The following PARP12 variants were observed in gnomAD, a reference collection of about 807,000 sequenced individuals.
PARP12 encodes the protein protein mono-ADP-ribosyltransferase PARP12.
Under a neutral mutation model 72.4 loss-of-function variants are expected in PARP12, and 59 were observed. The ratio of observed to expected loss-of-function variants is 0.81; its 90% confidence interval spans 0.66 to 1.01. The LOEUF is 1.01. Among genes scored for constraint, PARP12 ranks in the 50% least tolerant of loss-of-function variants. The pLI, the probability that PARP12 is intolerant of heterozygous loss-of-function variation, is 0.00. For missense variants in PARP12, 851 were observed against 914.0 expected (o/e 0.93, Z 0.89); for synonymous variants, 403 against 371.4 (o/e 1.09, Z -0.98).
At chr7:140,061,159 T>A (rs1317657336) in intron 1 of PARP12, among the ~76,000 whole-genome samples, 4 of 152,220 alleles carry the variant, frequency 2.6e-5, no homozygotes, top group Admixed American at 2.6e-4. Context: ...CATTTCCCAG[T>A]CACCCTGCAT....
chr7:140,024,830 C>T lies in PARP12; in HGVS notation c.1836G>A (p.Thr612=), dbSNP rs1313383363. ...AYSHHYSKSD[T]QTHTMFLARV... Reference sequence around the variant, plus strand: ...GGGCCAGGAACATCGTGTGGGTCTGCGTGTCGGATTTGCTGTAGTGGTGGG... The same window carrying T: ...GGGCCAGGAACATCGTGTGGGTCTGTGTGTCGGATTTGCTGTAGTGGTGGG... The change falls in exon 12 of 12, where the codon ACG becomes ACA. Residue 612 remains threonine, a synonymous_variant. Transcript: ENST00000263549. 11 of 1,613,966 alleles carry T rather than the reference C, an allele frequency of 6.8e-6. No homozygotes were observed. The highest frequency in any genetic ancestry group is 1.6e-4 in the Middle Eastern group (1 of 6,082).
chr7:140,031,407 T>C (rs1361186611), intron 8 of PARP12, among the ~76,000 whole-genome samples: 2 of 152,194 alleles, frequency 1.3e-5, no homozygotes, highest in East Asian at 3.9e-4. Flanking sequence ...ATAAATAAAT[T>C]TTACATGACA....
intron 9 of PARP12, among the ~76,000 whole-genome samples, chr7:140,028,119 C>T (rs948909251): frequency 3.9e-5 from 6 of 152,162 alleles, no homozygotes; most frequent in Admixed American, 3.9e-4. Context: ...TGTTAGTCTG[C>T]GTACTCTCCT....
At chr7:140,036,109 T>C (rs1391358968) in intron 7 of PARP12, among the ~76,000 whole-genome samples, 1 of 152,020 alleles carries the variant, frequency 6.6e-6, no homozygotes, top group Non-Finnish European at 1.5e-5. Flanking sequence ...CCCACTCAAA[T>C]GGGCTTCGGT....
intron 4 of PARP12, among the ~76,000 whole-genome samples, chr7:140,050,784 T>C (rs1395819234): frequency 6.6e-6 from 1 of 152,122 alleles, no homozygotes; most frequent in Admixed American, 6.5e-5. Context: ...CAAATATTTT[T>C]AGGATACAAA....
chr7:140,049,565 C>G (rs1569527900), intron 4 of PARP12, among the ~76,000 whole-genome samples: 1 of 152,160 alleles, frequency 6.6e-6, no homozygotes, highest in Non-Finnish European at 1.5e-5. Context: ...GTACTATGGA[C>G]AGCCTGAGAC....
intron 4 of PARP12, among the ~76,000 whole-genome samples, chr7:140,051,171 G>A (rs1452269111): frequency 6.6e-6 from 1 of 152,112 alleles, no homozygotes; most frequent in South Asian, 2.1e-4. Context: ...ACATATGTAA[G>A]TGGACTTCAA....
Position 140,037,854 on chromosome 7 carries a change from G to C in PARP12, c.1185C>G (p.Gly395=), listed in dbSNP as rs1816278933. 1 of 1,604,354 alleles carries C rather than the reference G, an allele frequency of 6.2e-7. No individual in the cohort carries two copies. The highest frequency in any genetic ancestry group is 8.5e-7 in the Non-Finnish European group (1 of 1,172,116). Residue 395 remains glycine (G), a splice_region_variant and synonymous_variant, in exon 7 of 12, where the codon GGC becomes GGG. Transcript: ENST00000263549. ...TGACAGTGGTCACAGGGTGCACCGT[G>C]CCCTGCGATGGAAAGCCAGACACTT... The part of the protein sequence containing the change: ...FGSWQEYGRQ[G]TVHPVTTVSS...
rs200284759 is a variant in PARP12 at position 140,034,633 on chromosome 7, A to AT, written c.1325-303dup. ...GTTTAAACCATTATTTTGCTTGGCA[A>AT]TTTTTCCCAGCTTGGATATAAAAAA... On this transcript the variant is annotated intron_variant, in intron 7 of 11. Transcript: ENST00000263549. 9.3e-3 allele frequency: 1,893 copies of AT among 204,104 alleles called. 42 individuals carry two copies. Among genetic ancestry groups the AT allele is most frequent in the African/African-American group, 0.042 (1,756 of 42,002 alleles). 12.6% of individuals were successfully genotyped at this position (204,104 alleles called of 1,614,324 possible).
At chr7:140,053,297 T>A (rs1217956008) in intron 4 of PARP12, among the ~76,000 whole-genome samples, 2 of 152,180 alleles carry the variant, frequency 1.3e-5, no homozygotes, top group African/African-American at 4.8e-5. Flanking sequence ...CCAGCATGAC[T>A]GAATCTCAAA....
chr7:140,046,799 A>AGTGTGTGTGTGTGT lies in PARP12; in HGVS notation c.986+71_986+84dup, dbSNP rs3216987. 1,891 of 868,650 alleles carry AGTGTGTGTGTGTGT rather than the reference A, an allele frequency of 2.2e-3. 32 individuals are homozygous for AGTGTGTGTGTGTGT. Among genetic ancestry groups the AGTGTGTGTGTGTGT allele is most frequent in the African/African-American group, 0.019 (773 of 41,358 alleles). The allele number at this position is 868,650 out of a possible 1,614,324, so 53.8% of individuals were successfully genotyped here. ...GGCACCTCCAGACTAGGCTGCTCAC[A>AGTGTGTGTGTGTGT]GTGTGTGTGTGTGTGTGTGTGTGTG... On this transcript the variant is annotated intron_variant, in intron 5 of 11. Coordinates refer to ENST00000263549, the MANE Select transcript of PARP12 (RefSeq NM_022750.4).
chr7:140,041,600 A>G (rs1382576815), intron 6 of PARP12, 44 bp downstream of exon 6: 1 of 1,569,964 alleles, frequency 6.4e-7, no homozygotes, highest in Non-Finnish European at 8.7e-7. Context: ...CCTCTCTTAC[A>G]GATCCTCAGG....
At chr7:140,054,790 T>G (rs1310980150) in intron 3 of PARP12, 27 bp from the exon 4 acceptor site, 2 of 1,558,156 alleles carry the variant, frequency 1.3e-6, no homozygotes, top group Non-Finnish European at 1.8e-6. Context: ...CAAAGATATG[T>G]CAGCTTCTGA....
intron 1 of PARP12, among the ~76,000 whole-genome samples, chr7:140,059,788 G>A (rs1170237749): frequency 1.3e-5 from 2 of 152,210 alleles, no homozygotes; most frequent in East Asian, 1.9e-4. Context: ...GGAGTGGAAA[G>A]TGCAACGTCA....
intron 8 of PARP12, among the ~76,000 whole-genome samples, chr7:140,030,782 T>G (rs1029917243): frequency 1.3e-5 from 2 of 152,106 alleles, no homozygotes; most frequent in Non-Finnish European, 2.9e-5. Flanking sequence ...TAAAACATTA[T>G]GAGATTTTCT....
chr7:140,036,483 C>T (rs1274093179), intron 7 of PARP12, among the ~76,000 whole-genome samples: 4 of 152,180 alleles, frequency 2.6e-5, no homozygotes, highest in Admixed American at 1.3e-4. Flanking sequence ...AAAACTTCAC[C>T]GTAAAGGGCA....
At chr7:140,037,957 C>T in intron 6 of PARP12, 101 bp from the exon 7 acceptor site, 1 of 1,512,316 alleles carries the variant, frequency 6.6e-7, no homozygotes, top group African/African-American at 1.4e-5. Context: ...TCCTGGTGGA[C>T]AGTCCTGTGG....
At chr7:140,058,367 G>C (rs574096410) in intron 1 of PARP12, among the ~76,000 whole-genome samples, 6 of 151,966 alleles carry the variant, frequency 3.9e-5, no homozygotes, top group Non-Finnish European at 8.8e-5. Context: ...AAAAATTAGC[G>C]GGGCGTGGTG....
chr7:140,056,901 C>T lies in PARP12; in HGVS notation c.715G>A (p.Ala239Thr), dbSNP rs567535783. 19 of 1,613,060 alleles carry T rather than the reference C, an allele frequency of 1.2e-5. No homozygotes were observed. In the African/African-American group the frequency reaches 1.9e-4, roughly 16 times the overall value. ...AAAAGAGGAGGCACTCTGCTGGGGG[C>T]AGAGCTCTTATTCTTGATGTCATGT... is the stretch of plus-strand genomic sequence containing the variant. The part of the protein sequence containing the change: ...NAHDIKNKSS[A>T]PSRVPPLFVP... Residue 239 changes from alanine (A) to threonine (T), a missense_variant, in exon 3 of 12, where the codon GCC (alanine) becomes ACC (threonine). This residue lies in a region of PARP12 where 492 missense variants were observed against 489.3 expected (regional missense o/e 1.01). Transcript: ENST00000263549.
Sources: gnomAD v4.1 joint callset for allele counts (sites outside exome capture counted in the v4.1 genomes callset) on GRCh38, gnomAD v4.1.1 for gene constraint, gnomAD v4.1.1 regional missense constraint, MANE v1.5 for transcripts, NCBI Gene and HGNC (gene_info 2026-07-23, HGNC 2026-07-21) for gene names.